The following PMEPA1 variants were observed in gnomAD, a reference collection of about 807,000 sequenced individuals.
The protein encoded by PMEPA1 is prostate transmembrane protein, androgen induced 1.
In PMEPA1, 11 loss-of-function variants were observed where a neutral mutation model predicts 23.0. That is an observed-to-expected ratio of 0.48 (90% CI 0.30 to 0.79). The LOEUF is 0.79. PMEPA1 is among the 30% of genes least tolerant of loss of function. The pLI, the probability that PMEPA1 is intolerant of heterozygous loss-of-function variation, is 0.06. For synonymous variants in PMEPA1, 204 were observed against 166.4 expected, an observed-to-expected ratio of 1.23 and a Z score of -1.74; for missense variants, 377 against 390.9, an observed-to-expected ratio of 0.96 and a Z score of 0.30.
At chr20:57,702,230 G>A (rs1473702653) in intron 1 of PMEPA1, among the ~76,000 whole-genome samples, 2 of 152,236 alleles carry the variant, frequency 1.3e-5, no homozygotes, top group Admixed American at 6.5e-5. Context: ...GCTGAACGCT[G>A]AGCCCCTGCG....
intron 1 of PMEPA1, among the ~76,000 whole-genome samples, chr20:57,689,399 G>A (rs1465150011): frequency 2.6e-5 from 4 of 152,170 alleles, no homozygotes; most frequent in Non-Finnish European, 5.9e-5. Context: ...GGCCTTCCCA[G>A]GCAGAAAGGT....
At chr20:57,707,508 C>T (rs1382870161) in intron 1 of PMEPA1, among the ~76,000 whole-genome samples, 10 of 152,190 alleles carry the variant, frequency 6.6e-5, no homozygotes, top group African/African-American at 1.2e-4. Flanking sequence ...CCAAGGGTCC[C>T]AATCACTCAA....
chr20:57,675,985 C>T (rs1176506752), intron 1 of PMEPA1, among the ~76,000 whole-genome samples: 5 of 152,256 alleles, frequency 3.3e-5, no homozygotes, highest in South Asian at 2.1e-4. Context: ...GCCCCACAGG[C>T]GAGGCTATTC....
At chr20:57,688,414 G>A (rs184853535) in intron 1 of PMEPA1, among the ~76,000 whole-genome samples, 37 of 152,216 alleles carry the variant, frequency 2.4e-4, no homozygotes, top group Admixed American at 2.0e-3. Context: ...CCTACTAGAC[G>A]CCTACGGGGT....
chr20:57,702,175 G>A (rs1041298490), intron 1 of PMEPA1, among the ~76,000 whole-genome samples: 10 of 152,158 alleles, frequency 6.6e-5, no homozygotes, highest in Non-Finnish European at 1.2e-4. Context: ...GACGTTCTGC[G>A]GCCCTGGGAA....
upstream of PMEPA1, chr20:57,711,195 G>C (rs1464627962): frequency 6.6e-6 from 1 of 152,098 alleles, no homozygotes; most frequent in African/African-American, 2.4e-5. Flanking sequence ...TCAGTAATTA[G>C]CAGGGACTTA....
In PMEPA1 at chr20:57,683,253, G is replaced by A. The variant is rs976718101; in HGVS notation, c.110-23556C>T. On this transcript the variant is annotated intron_variant, in intron 1 of 3. Transcript: ENST00000341744. This position sits in a 1 kb window ranked among gnomAD's most constrained non-coding sequence, Gnocchi z 4.3. ...GGAAAGCTCCCTAAACTCAAGCCAA[G>A]GGTGCGTTTTTGATGTGCTGAGAGA... Among the ~76,000 whole-genome samples, 8 of 152,214 alleles carry A rather than the reference G, an allele frequency of 5.3e-5. No individual in the cohort carries two copies. Among genetic ancestry groups the A allele is most frequent in the African/African-American group, 1.9e-4 (8 of 41,452 alleles).
intron 1 of PMEPA1, among the ~76,000 whole-genome samples, chr20:57,708,917 CCCCCAGACACCCCGAGAGACGCCGAAG>C (rs2072124509): frequency 6.6e-6 from 1 of 152,042 alleles, no homozygotes; most frequent in South Asian, 2.1e-4. Context: ...GCGACTCAGA[CCCCCAGACACCCCGAGAGACGCCGAAG>C]ACCCAGACAG....
At position 57,652,876 on chromosome 20, in the gene PMEPA1, G is replaced by A. The variant is rs1338744322; in HGVS notation, c.318+157C>T. Among the ~76,000 whole-genome samples the A allele has an allele frequency of 6.6e-6, 1 of 152,204 alleles. No homozygotes were observed. Among genetic ancestry groups the A allele is most frequent in the East Asian group, 1.9e-4 (1 of 5,178 alleles). On this transcript the variant is annotated intron_variant, in intron 3 of 3. Coordinates refer to ENST00000341744, the MANE Select transcript of PMEPA1 (RefSeq NM_020182.5). This position sits in a 1 kb window ranked among gnomAD's most constrained non-coding sequence, Gnocchi z 6.1. ...AGCTGGGCTGCTCCCTCAGGGGCAGGGAGCAGATGATCTCCGGCAAGGAGG... is the reference window on the plus strand; with the variant it reads ...AGCTGGGCTGCTCCCTCAGGGGCAGAGAGCAGATGATCTCCGGCAAGGAGG...
intron 1 of PMEPA1, among the ~76,000 whole-genome samples, chr20:57,705,375 C>T (rs1056488448): frequency 6.6e-6 from 1 of 152,208 alleles, no homozygotes; most frequent in Non-Finnish European, 1.5e-5. Flanking sequence ...TGCACCACAA[C>T]CTAAAACCCA....
At chr20:57,666,619 C>T (rs752704144) in intron 1 of PMEPA1, among the ~76,000 whole-genome samples, 38 of 152,224 alleles carry the variant, frequency 2.5e-4, no homozygotes, top group Non-Finnish European at 5.0e-4. Flanking sequence ...TGTGACTGAT[C>T]TTGGGGTCAG....
chr20:57,684,236 C>A (rs575795655), intron 1 of PMEPA1, among the ~76,000 whole-genome samples: 2 of 151,604 alleles, frequency 1.3e-5, no homozygotes, highest in East Asian at 3.9e-4. Context: ...GGCTTTGCAG[C>A]AGGTCAATGG....
chr20:57,708,917 C>A (rs1188599021), intron 1 of PMEPA1, among the ~76,000 whole-genome samples: 1 of 152,042 alleles, frequency 6.6e-6, no homozygotes, highest in Non-Finnish European at 1.5e-5. Context: ...GCGACTCAGA[C>A]CCCCAGACAC....
Position 57,652,650 on chromosome 20 carries a change from TC to T in PMEPA1, c.319-53del. 7.3e-7 allele frequency: 1 copy of T among 1,365,366 alleles called. No individual in the cohort carries two copies. The highest frequency in any genetic ancestry group is 9.7e-7 in the Non-Finnish European group (1 of 1,033,258). The allele number at this position is 1,365,366 out of a possible 1,614,324, so 84.6% of individuals were successfully genotyped here. Reference sequence around the variant, plus strand: ...GAGGGCGGCTGTCTCAGGTGGGTTGTCCAGAAGCGATCCTGAGACTGGAGTT... The same window carrying T: ...GAGGGCGGCTGTCTCAGGTGGGTTGTCAGAAGCGATCCTGAGACTGGAGTT... On this transcript the variant is annotated intron_variant, in intron 3 of 3. Coordinates refer to ENST00000341744, the MANE Select transcript of PMEPA1 (RefSeq NM_020182.5). The surrounding 1 kb of genome is among the most constrained non-coding windows in gnomAD (Gnocchi z 6.1).
At chr20:57,677,736 C>T (rs1412904239) in intron 1 of PMEPA1, among the ~76,000 whole-genome samples, 1 of 152,082 alleles carries the variant, frequency 6.6e-6, no homozygotes, top group African/African-American at 2.4e-5. Flanking sequence ...TGAGTGTTCA[C>T]GGCAGCTTTA....
At chr20:57,659,260 G>A (rs1011486871) in intron 2 of PMEPA1, among the ~76,000 whole-genome samples, 3 of 152,174 alleles carry the variant, frequency 2.0e-5, no homozygotes, top group Admixed American at 6.5e-5. Flanking sequence ...CCTGCGACCC[G>A]AGGCTGCTCG....
At chr20:57,677,860 G>A (rs879818218) in intron 1 of PMEPA1, among the ~76,000 whole-genome samples, 9 of 152,202 alleles carry the variant, frequency 5.9e-5, no homozygotes, top group African/African-American at 1.2e-4. Context: ...GGAACACTAC[G>A]CAGCAACAAG....
chr20:57,690,647 C>A, intron 1 of PMEPA1: 1 of 1,070,716 alleles, frequency 9.3e-7, no homozygotes. Flanking sequence ...CCAGCCTGCG[C>A]TTCTCCTGCT....
rs2072148105 is a variant in PMEPA1 at position 57,709,911 on chromosome 20, GCGCCTCCGCCGC to G, written c.-341_-330del. On this transcript the variant is annotated 5_prime_UTR_variant, in exon 1 of 4. Transcript: ENST00000341744. The stretch of plus-strand genomic sequence containing the variant: ...TCTGCCGCTAGCTTTCCCCAGCCGA[GCGCCTCCGCCGC>G]CGCCGCCGCCGCCGCCTCCTCCTCC... 4 of 1,009,458 alleles carry G rather than the reference GCGCCTCCGCCGC, an allele frequency of 4.0e-6. No homozygotes were observed. The highest frequency in any genetic ancestry group is 1.1e-4 in the East Asian group (1 of 9,468). 62.5% of individuals were successfully genotyped at this position (1,009,458 alleles called of 1,614,324 possible). A position where few individuals can be genotyped will look rare whatever the true frequency, so the allele number is the denominator to read the frequency against.
Sources: allele counts gnomAD v4.1 joint callset (sites outside exome capture counted in the v4.1 genomes callset), GRCh38; gene constraint gnomAD v4.1.1; non-coding constraint Gnocchi (gnomAD v3.1); transcripts MANE v1.5; gene names NCBI Gene and HGNC (gene_info 2026-07-23, HGNC 2026-07-21).